The following STAU2 variants were observed in gnomAD, a reference collection of about 807,000 sequenced individuals.
The protein encoded by STAU2 is double-stranded RNA-binding protein Staufen homolog 2.
In STAU2, 20 loss-of-function variants were observed where a neutral mutation model predicts 65.9. The ratio of observed to expected loss-of-function variants is 0.30; its 90% CI spans 0.21 to 0.44. The LOEUF (loss-of-function observed/expected upper bound fraction) is 0.44, where lower values mean the gene tolerates loss of function less well. Ranked by LOEUF, STAU2 falls within the 20% of genes least tolerant of loss-of-function variation. STAU2 has a pLI of 1.00. For synonymous variants in STAU2, 232 were observed against 233.9 expected (o/e 0.99, Z 0.07); for missense variants, 558 against 683.9 (o/e 0.82, Z 2.05).
chr8:73,442,237 T>G (rs183001421), intron 13 of STAU2, among the ~76,000 whole-genome samples: 1,956 of 151,472 alleles, frequency 0.013, 17 homozygotes, highest in Non-Finnish European at 0.021. Context: ...GCCTGTAGTC[T>G]CAGCTACTCG....
intron 6 of STAU2, among the ~76,000 whole-genome samples, chr8:73,635,944 ACACACACC>A (rs747214169): frequency 0.055 from 6,197 of 112,290 alleles, 382 homozygotes; most frequent in African/African-American, 0.17. Context: ...ACACACACAC[ACACACACC>A]CCTGGAACCA....
chr8:73,714,442 G>A (rs75561270), intron 3 of STAU2, among the ~76,000 whole-genome samples: 4,288 of 152,054 alleles, frequency 0.028, 170 homozygotes, highest in African/African-American at 0.094. Flanking sequence ...CAAAATTATC[G>A]ACAAACTACC....
chr8:73,615,623 T>G, intron 8 of STAU2, 52 bp downstream of exon 8: 1 of 1,416,538 alleles, frequency 7.1e-7, no homozygotes, highest in South Asian at 1.2e-5. Flanking sequence ...TTTGTTTGTT[T>G]AAAATAACCA....
In STAU2 at chr8:73,610,826, G is replaced by C. The variant is rs2129809196; in HGVS notation, c.891+2918C>G. ...TCAGGGCAGTTTTACATGTTAACAG[G>C]ATAACCCTATACAGTGACTCTGAAA... On this transcript the variant is annotated intron_variant, in intron 9 of 14. Transcript: ENST00000524300. Among the ~76,000 whole-genome samples the C allele has an allele frequency of 1.3e-5, 2 of 152,278 alleles. 1 individual carries two copies. Among genetic ancestry groups the C allele is most frequent in the East Asian group, 3.9e-4 (2 of 5,174 alleles).
intron 5 of STAU2, among the ~76,000 whole-genome samples, chr8:73,676,749 T>A (rs1818052228): frequency 6.6e-6 from 1 of 152,076 alleles, no homozygotes; most frequent in African/African-American, 2.4e-5. Flanking sequence ...GTGCACACCA[T>A]CACGCCCAGC....
chr8:73,506,061 T>G (rs1714537518), intron 13 of STAU2, among the ~76,000 whole-genome samples: 1 of 152,176 alleles, frequency 6.6e-6, no homozygotes, highest in African/African-American at 2.4e-5. Context: ...GGTGCCACCC[T>G]TGCTGTATAG....
intron 13 of STAU2, among the ~76,000 whole-genome samples, chr8:73,448,998 C>G (rs981010160): frequency 1.6e-4 from 25 of 152,218 alleles, no homozygotes; most frequent in African/African-American, 6.0e-4. Context: ...AGGGGCAGCC[C>G]GGGTTTTCCT....
chr8:73,716,826 A>T (rs1408110713), intron 3 of STAU2, among the ~76,000 whole-genome samples: 2 of 152,088 alleles, frequency 1.3e-5, no homozygotes, highest in Admixed American at 1.3e-4. Context: ...CTTCTAGGCC[A>T]GGCGCGGTGG....
chr8:73,486,335 A>G (rs187441716), intron 13 of STAU2, among the ~76,000 whole-genome samples: 2 of 152,194 alleles, frequency 1.3e-5, no homozygotes, highest in East Asian at 3.9e-4. Flanking sequence ...CTTAGTAAAA[A>G]TAAGTTCCTG....
At position 73,673,143 on chromosome 8, in the gene STAU2, C is replaced by A. The variant is rs200996921; in HGVS notation, c.374G>T (p.Arg125Ile). The A allele has an allele frequency of 6.3e-7, 1 of 1,599,750 alleles. No homozygotes were observed. Among genetic ancestry groups the A allele is most frequent in the African/African-American group, 1.3e-5 (1 of 74,434 alleles). ...CATGCCCCGAAAGTTGTAATTAGCT[C>A]TATAATTTGGGAATGGCTTTGGATC... is the stretch of plus-strand genomic sequence containing the variant. ...PLDPKPFPNY[R>I]ANYNFRGMYN... The change falls in exon 6 of 15, where the codon AGA becomes ATA. Residue 125 changes from arginine to isoleucine, a missense_variant. Physicochemically the swap from Arg to Ile is moderately conservative, Grantham distance 97 (BLOSUM62 -3). Coordinates refer to ENST00000524300, the MANE Select transcript of STAU2 (RefSeq NM_001164380.2).
chr8:73,551,936 G>A lies in STAU2; in HGVS notation c.1530+76C>T, dbSNP rs546210172. 1.1e-4 allele frequency: 165 copies of A among 1,477,004 alleles called. 1 individual carries two copies. In the East Asian group the frequency reaches 3.7e-3, roughly 33 times the overall value. The allele number at this position is 1,477,004 out of a possible 1,614,324, so 91.5% of individuals were successfully genotyped here. On this transcript the variant is annotated intron_variant, in intron 13 of 14. Transcript: ENST00000524300. ...AGGCCATACTAGCAGGCAAGAATGA[G>A]CCTTGTGATGTATACAGATGAAGAA... is the stretch of plus-strand genomic sequence containing the variant.
intron 13 of STAU2, among the ~76,000 whole-genome samples, chr8:73,462,842 A>C (rs1446608355): frequency 6.6e-6 from 1 of 152,248 alleles, no homozygotes; most frequent in East Asian, 1.9e-4. Context: ...GTATTAAAAA[A>C]AGACAACTTC....
chr8:73,582,689 G>A, intron 12 of STAU2, 81 bp downstream of exon 12: 1 of 1,378,844 alleles, frequency 7.3e-7, no homozygotes, highest in South Asian at 1.2e-5. Flanking sequence ...GACCCAGACA[G>A]ACCCAACCAA....
Position 73,678,391 on chromosome 8 carries a change from T to G in STAU2, c.275-5149A>C, listed in dbSNP as rs571257524. Among the ~76,000 whole-genome samples, 121 of 152,320 alleles carry G rather than the reference T, an allele frequency of 7.9e-4. 1 individual carries two copies. The highest frequency in any genetic ancestry group is 2.8e-3 in the African/African-American group (118 of 41,578). ...AAAATTTTTTTTTTACCAAATCCAT[T>G]GTCCAGATTCCTACTTCAAAGCCTT... On this transcript the variant is annotated intron_variant, in intron 5 of 14. Coordinates refer to ENST00000524300, the MANE Select transcript of STAU2 (RefSeq NM_001164380.2).
At chr8:73,602,911 T>C (rs1001647331) in intron 10 of STAU2, among the ~76,000 whole-genome samples, 1 of 151,966 alleles carries the variant, frequency 6.6e-6, no homozygotes, top group Admixed American at 6.6e-5. Context: ...ATCTTTGAAA[T>C]ACTTCAGTAA....
At chr8:73,623,626 T>C (rs1030721871) in intron 6 of STAU2, among the ~76,000 whole-genome samples, 1 of 152,234 alleles carries the variant, frequency 6.6e-6, no homozygotes, top group Non-Finnish European at 1.5e-5. Context: ...GTAGAATTTA[T>C]GTTTAAAGGA....
intron 10 of STAU2, among the ~76,000 whole-genome samples, chr8:73,596,481 C>T (rs958765366): frequency 1.3e-5 from 2 of 152,126 alleles, no homozygotes; most frequent in African/African-American, 4.8e-5. Flanking sequence ...AGAAAATACA[C>T]AACTATAGTT....
At chr8:73,714,672 C>T (rs375314130) in intron 3 of STAU2, among the ~76,000 whole-genome samples, 2 of 152,124 alleles carry the variant, frequency 1.3e-5, no homozygotes, top group African/African-American at 4.8e-5. Flanking sequence ...AAGGCAAAAA[C>T]TGATAGTTAA....
intron 5 of STAU2, among the ~76,000 whole-genome samples, chr8:73,687,696 C>T (rs536048755): frequency 1.2e-3 from 188 of 151,122 alleles, no homozygotes; most frequent in Non-Finnish European, 1.2e-3. Context: ...AGCCACTGCA[C>T]CAAGCCACTA....
Sources: allele counts gnomAD v4.1 joint callset (sites outside exome capture counted in the v4.1 genomes callset), GRCh38; gene constraint gnomAD v4.1.1; transcripts MANE v1.5; gene names NCBI Gene and HGNC (gene_info 2026-07-23, HGNC 2026-07-21).